PRKG2: variants seen among roughly 807,000 people sequenced by gnomAD.
The protein encoded by PRKG2 is protein kinase cGMP-dependent 2.
In PRKG2, 33 loss-of-function variants were observed where a neutral mutation model predicts 97.2. That is an observed-to-expected ratio of 0.34 (90% CI 0.26 to 0.45). The LOEUF is 0.45. Ranked by LOEUF, PRKG2 falls within the 20% of genes least tolerant of loss-of-function variation. The pLI, the probability that PRKG2 is intolerant of heterozygous loss-of-function variation, is 1.00. For missense variants in PRKG2, 638 were observed against 900.0 expected, an observed-to-expected ratio of 0.71 and a Z score of 3.73; for synonymous variants, 330 against 321.8, an observed-to-expected ratio of 1.03 and a Z score of -0.27.
intron 14 of PRKG2, among the ~76,000 whole-genome samples, chr4:81,124,698 G>A (rs72663827): frequency 0.088 from 13,322 of 152,120 alleles, 720 homozygotes; most frequent in Middle Eastern, 0.2. Flanking sequence ...ATGGGTCTCT[G>A]AGCCTCCAGG....
At chr4:81,146,812 G>A (rs185322991) in intron 9 of PRKG2, among the ~76,000 whole-genome samples, 11 of 152,230 alleles carry the variant, frequency 7.2e-5, no homozygotes, top group Non-Finnish European at 1.6e-4. Context: ...AGGGTATAAA[G>A]GCTGCTATGA....
At chr4:81,134,343 A>G (rs567301300) in intron 14 of PRKG2, among the ~76,000 whole-genome samples, 2 of 152,266 alleles carry the variant, frequency 1.3e-5, no homozygotes, top group East Asian at 3.9e-4. Context: ...AGCTATTTTT[A>G]TTTCCTTTTA....
rs181041538 is a variant in PRKG2 at position 81,128,959 on chromosome 4, T to C, written c.1776+6196A>G. On this transcript the variant is annotated intron_variant, in intron 14 of 18. Transcript: ENST00000264399. ...TCTTTCCCACTTTCTCCTGTGGGCA[T>C]TTAGTGCTATAAATTTCCCTCTTTA... Among the ~76,000 whole-genome samples the C allele has an allele frequency of 1.8e-3, 280 of 152,364 alleles. 2 individuals carry two copies. Among genetic ancestry groups the C allele is most frequent in the African/African-American group, 6.4e-3 (266 of 41,578 alleles).
intron 15 of PRKG2, among the ~76,000 whole-genome samples, chr4:81,108,239 T>C (rs1482837731): frequency 1.3e-5 from 2 of 152,156 alleles, no homozygotes; most frequent in Non-Finnish European, 2.9e-5. Flanking sequence ...CTTTCATATT[T>C]ATTCTATTAT....
Position 81,105,903 on chromosome 4 carries a change from G to A in PRKG2, c.1973C>T (p.Thr658Ile). Reference protein sequence around the residue: ...PPFSGVDQMMTYNLILKGIEK... With the variant: ...PPFSGVDQMMIYNLILKGIEK... ...AATTCCTTTGAGAATCAAATTGTAG[G>A]TCATCATTTGGTCAACCCCAGAAAA... Residue 658 changes from threonine to isoleucine, a missense_variant, in exon 16 of 19, where the codon ACC (threonine) becomes ATC (isoleucine). Thr to Ile is a moderately conservative substitution (Grantham distance 89). Coordinates refer to ENST00000264399, the MANE Select transcript of PRKG2 (RefSeq NM_006259.3). 4 of 1,613,596 alleles carry A rather than the reference G, an allele frequency of 2.5e-6. No homozygotes were observed. The highest frequency in any genetic ancestry group is 3.4e-6 in the Non-Finnish European group (4 of 1,179,714).
At chr4:81,203,920 C>A (rs1383301419) in intron 2 of PRKG2, among the ~76,000 whole-genome samples, 1 of 152,212 alleles carries the variant, frequency 6.6e-6, no homozygotes. Flanking sequence ...AAGCCTGCTT[C>A]TGTTGTCTCC....
chr4:81,194,001 G>T (rs1161473339), intron 2 of PRKG2, among the ~76,000 whole-genome samples: 1 of 152,030 alleles, frequency 6.6e-6, no homozygotes, highest in Admixed American at 6.6e-5. Flanking sequence ...AGGCCTCTTT[G>T]TCTCCTATAA....
chr4:81,181,987 C>G (rs1011052396), intron 2 of PRKG2, among the ~76,000 whole-genome samples: 2 of 151,636 alleles, frequency 1.3e-5, no homozygotes, highest in African/African-American at 4.8e-5. Flanking sequence ...AAAACTATCC[C>G]ACCCAAAAAA....
At chr4:81,106,604 T>C (rs1014802395) in intron 15 of PRKG2, among the ~76,000 whole-genome samples, 1 of 152,210 alleles carries the variant, frequency 6.6e-6, no homozygotes, top group African/African-American at 2.4e-5. Context: ...GGAGCCCCAG[T>C]AACCTTGCCT....
At chr4:81,153,935 C>G (rs542061118) in intron 6 of PRKG2, among the ~76,000 whole-genome samples, 9 of 152,112 alleles carry the variant, frequency 5.9e-5, no homozygotes, top group African/African-American at 1.7e-4. Flanking sequence ...CGAAGCAGGG[C>G]GAGGCATTGC....
intron 6 of PRKG2, among the ~76,000 whole-genome samples, chr4:81,157,301 C>A (rs868031582): frequency 7.0e-4 from 107 of 152,228 alleles, no homozygotes; most frequent in African/African-American, 2.5e-3. Context: ...ACTACAAACA[C>A]CTCTACGCAA....
At chr4:81,117,038 G>T (rs1744612538) in intron 14 of PRKG2, among the ~76,000 whole-genome samples, 1 of 135,588 alleles carries the variant, frequency 7.4e-6, no homozygotes, top group South Asian at 2.4e-4. Flanking sequence ...AGTCACCCAG[G>T]CTGGAGTGCA....
intron 2 of PRKG2, chr4:81,193,493 C>A (rs934761311): frequency 5.3e-5 from 8 of 152,156 alleles, no homozygotes; most frequent in African/African-American, 1.9e-4. Flanking sequence ...GCTATCACCA[C>A]AATAAGTAGG....
chr4:81,189,122 G>C (rs1578498674), intron 2 of PRKG2, among the ~76,000 whole-genome samples: 1 of 40,898 alleles, frequency 2.4e-5, no homozygotes, highest in Non-Finnish European at 4.1e-5. Context: ...TGTTTCAGTA[G>C]AGCACCAAGG....
chr4:81,143,075 C>T, intron 10 of PRKG2, 128 bp from the exon 11 acceptor site: 1 of 1,213,780 alleles, frequency 8.2e-7, no homozygotes. Flanking sequence ...GCCACAAAGG[C>T]TATCCCAACT....
chr4:81,092,032 C>CT (rs1048287995), intron 18 of PRKG2, among the ~76,000 whole-genome samples: 1 of 151,476 alleles, frequency 6.6e-6, no homozygotes, highest in Non-Finnish European at 1.5e-5. Context: ...TTATTTTCAC[C>CT]TTTTTTTTCA....
At chr4:81,127,964 G>A (rs1326054745) in intron 14 of PRKG2, among the ~76,000 whole-genome samples, 1 of 152,192 alleles carries the variant, frequency 6.6e-6, no homozygotes, top group East Asian at 1.9e-4. Context: ...ATAGGCTGTG[G>A]GTTTGTCATA....
At chr4:81,158,442 A>ATCCAACTTACAAGGCATGTG (rs1749305087) in intron 6 of PRKG2, among the ~76,000 whole-genome samples, 9 of 150,202 alleles carry the variant, frequency 6.0e-5, no homozygotes, top group African/African-American at 2.0e-4. Context: ...TGCTCAAGGA[A>ATCCAACTTACAAGGCATGTG]ATAAAAGAGG....
intron 17 of PRKG2, among the ~76,000 whole-genome samples, chr4:81,096,028 T>C (rs1742077566): frequency 6.6e-6 from 1 of 152,182 alleles, no homozygotes; most frequent in Non-Finnish European, 1.5e-5. Context: ...TGAATCATAG[T>C]CTTTTTGCTA....
Sources: allele counts gnomAD v4.1 joint callset (sites outside exome capture counted in the v4.1 genomes callset), GRCh38; gene constraint gnomAD v4.1.1; transcripts MANE v1.5; gene names NCBI Gene and HGNC (gene_info 2026-07-23, HGNC 2026-07-21).